Variants in ASB13 observed in about 807,000 individuals in gnomAD.
ASB13 encodes ankyrin repeat and SOCS box protein 13.
Under a neutral mutation model 28.8 loss-of-function variants are expected in ASB13, and 33 were observed. The ratio of observed to expected loss-of-function variants is 1.15; its 90% CI spans 0.87 to 1.53. The LOEUF is 1.53. ASB13 is among the 40% of genes most tolerant of loss of function. The pLI is 0.00. For missense variants in ASB13, 414 were observed against 390.1 expected, an observed-to-expected ratio of 1.06 and a Z score of -0.52; for synonymous variants, 182 against 172.9, an observed-to-expected ratio of 1.05 and a Z score of -0.41.
rs1161061925 is a variant in ASB13 at position 5,655,455 on chromosome 10, G to A, written c.44-2405C>T. 1.3e-5 allele frequency among the ~76,000 whole-genome samples: 2 copies of A among 152,242 alleles called. No individual in the cohort carries two copies. Among genetic ancestry groups the A allele is most frequent in the Non-Finnish European group, 2.9e-5 (2 of 68,046 alleles). On this transcript the variant is annotated intron_variant, in intron 1 of 5. Transcript: ENST00000357700. The surrounding 1 kb of genome is among the most constrained non-coding windows in gnomAD (Gnocchi z 6.2). ...AAGGGTGGGGCCTGGCACCGAATCA[G>A]TGCTCAATAAACACTGTCTGTTTGT...
intron 4 of ASB13, among the ~76,000 whole-genome samples, chr10:5,643,568 CA>C (rs1272058918): frequency 6.6e-6 from 1 of 152,120 alleles, no homozygotes; most frequent in African/African-American, 2.4e-5. Context: ...AAATGTACTA[CA>C]AAAAAATAAT....
Position 5,649,151 on chromosome 10 carries a change from T to C in ASB13, c.383-47A>G, listed in dbSNP as rs1834945524. On this transcript the variant is annotated intron_variant, in intron 3 of 5. Coordinates refer to ENST00000357700, the MANE Select transcript of ASB13 (RefSeq NM_024701.4). The surrounding 1 kb of genome is among the most constrained non-coding windows in gnomAD (Gnocchi z 6.4). ...GGGGAATGTCCTTGAATACGGACAC[T>C]GGAGACAACAAGCACACAGACGCGG... is the stretch of plus-strand genomic sequence containing the variant. 3 of 1,610,708 alleles carry C rather than the reference T, an allele frequency of 1.9e-6. No individual in the cohort carries two copies. The highest frequency in any genetic ancestry group is 2.5e-6 in the Non-Finnish European group (3 of 1,178,822).
At chr10:5,657,802 TG>T (rs1835096170) in intron 1 of ASB13, among the ~76,000 whole-genome samples, 1 of 152,242 alleles carries the variant, frequency 6.6e-6, no homozygotes, top group South Asian at 2.1e-4. Context: ...AAGGAAATCC[TG>T]TCCCATGCTA....
At position 5,642,600 on chromosome 10, in the gene ASB13, GCAGA is replaced by G. The variant is rs1225895229; in HGVS notation, c.518-643_518-640del. 7 of 986,252 alleles carry G rather than the reference GCAGA, an allele frequency of 7.1e-6. No homozygotes were observed. The highest frequency in any genetic ancestry group is 9.4e-6 in the Non-Finnish European group (7 of 743,672). 61.1% of individuals were successfully genotyped at this position (986,252 alleles called of 1,614,324 possible). A position where few individuals can be genotyped will look rare whatever the true frequency, so the allele number is the denominator to read the frequency against. On this transcript the variant is annotated intron_variant, in intron 4 of 5. Coordinates refer to ENST00000357700, the MANE Select transcript of ASB13 (RefSeq NM_024701.4). This position sits in a 1 kb window ranked among gnomAD's most constrained non-coding sequence, Gnocchi z 4.1. The stretch of plus-strand genomic sequence containing the variant: ...AAAAAATTTTTTTTTAAAAAAAAGA[GCAGA>G]CATTCAGAAAGATGCAAGGAATTAG...
rs1323402849 is a variant in ASB13 at position 5,651,088 on chromosome 10, T to A, written c.382+125A>T. On this transcript the variant is annotated intron_variant, in intron 3 of 5. Transcript: ENST00000357700. This position sits in a 1 kb window ranked among gnomAD's most constrained non-coding sequence, Gnocchi z 5.1. Reference sequence around the variant, plus strand: ...CAGGAGCCAGAAACAGACTCAGAACTCTCCTTCACCAGCCAAGGGCTCCCA... The same window carrying A: ...CAGGAGCCAGAAACAGACTCAGAACACTCCTTCACCAGCCAAGGGCTCCCA... 1 of 1,261,574 alleles carries A rather than the reference T, an allele frequency of 7.9e-7. No individual in the cohort carries two copies. Among genetic ancestry groups the A allele is most frequent in the Non-Finnish European group, 1.1e-6 (1 of 924,060 alleles). The allele number at this position is 1,261,574 out of a possible 1,614,324, so 78.1% of individuals were successfully genotyped here. A position where few individuals can be genotyped will look rare whatever the true frequency, so the allele number is the denominator to read the frequency against.
chr10:5,659,192 C>G lies in ASB13; in HGVS notation c.44-6142G>C, dbSNP rs115072917. 0.01 allele frequency among the ~76,000 whole-genome samples: 1,594 copies of G among 152,284 alleles called. 28 individuals carry two copies. Among genetic ancestry groups the G allele is most frequent in the African/African-American group, 0.037 (1,521 of 41,544 alleles). On this transcript the variant is annotated intron_variant, in intron 1 of 5. Transcript: ENST00000357700. This position sits in a 1 kb window ranked among gnomAD's most constrained non-coding sequence, Gnocchi z 5.8. ...GGCAAGACGCCCCCCCTCCCCAATC[C>G]CTGCACCCTCTCCCTTGGCGGAGCA... is the stretch of plus-strand genomic sequence containing the variant.
rs747023190 is a variant in ASB13, at chr10:5,641,782, C to G, written c.697G>C (p.Glu233Gln). The G allele has an allele frequency of 1.3e-6, 2 of 1,595,152 alleles. No individual in the cohort carries two copies. Among genetic ancestry groups the G allele is most frequent in the Non-Finnish European group, 1.7e-6 (2 of 1,169,980 alleles). Reference sequence around the variant, plus strand: ...TGGGGTGTCTCACTTTCGTAGTACTCGAAGCACTTGGCGGGAGCGCTGCTG... The same window carrying G: ...TGGGGTGTCTCACTTTCGTAGTACTGGAAGCACTTGGCGGGAGCGCTGCTG... ...WSSSAPAKCF[E>Q]YYEKTPLTLS... is the part of the protein sequence containing the mutation. The change falls in exon 5 of 6, where the codon GAG (glutamate) becomes CAG (glutamine). Residue 233 changes from glutamate to glutamine, a missense_variant. Glu to Gln is a conservative substitution (Grantham distance 29). Coordinates refer to ENST00000357700, the MANE Select transcript of ASB13 (RefSeq NM_024701.4). This position sits in a 1 kb window ranked among gnomAD's most constrained non-coding sequence, Gnocchi z 8.4.
Position 5,661,815 on chromosome 10 carries a change from T to C in ASB13, c.43+4694A>G, listed in dbSNP as rs1242492306. 6.6e-6 allele frequency among the ~76,000 whole-genome samples: 1 copy of C among 152,210 alleles called. No homozygotes were observed. Among genetic ancestry groups the C allele is most frequent in the Non-Finnish European group, 1.5e-5 (1 of 68,034 alleles). On this transcript the variant is annotated intron_variant, in intron 1 of 5. Coordinates refer to ENST00000357700, the MANE Select transcript of ASB13 (RefSeq NM_024701.4). This position sits in a 1 kb window ranked among gnomAD's most constrained non-coding sequence, Gnocchi z 4.9. Reference sequence around the variant, plus strand: ...GCCCAGCCCAGAATGCACTCTTAAATGTTGCTGGAGTCAGAAATTTTGTTC... The same window carrying C: ...GCCCAGCCCAGAATGCACTCTTAAACGTTGCTGGAGTCAGAAATTTTGTTC...
rs1834777969 is a variant in ASB13, at chr10:5,639,821, A to G, written c.*882T>C. 2.9e-5 allele frequency: 1 copy of G among 34,760 alleles called. No individual in the cohort carries two copies. The highest frequency in any genetic ancestry group is 3.0e-4 in the Admixed American group (1 of 3,374). The allele number at this position is 34,760 out of a possible 1,614,324, so 2.2% of individuals were successfully genotyped here. On this transcript the variant is annotated 3_prime_UTR_variant, in exon 6 of 6. Transcript: ENST00000357700. ...GAAACAGATGAAAAACAATTCCCAC[A>G]GAGTCTCCAAACAGGCCTTTGCACT...
In ASB13 at chr10:5,650,181, C is replaced by G. The variant is rs1012004976; in HGVS notation, c.382+1032G>C. On this transcript the variant is annotated intron_variant, in intron 3 of 5. Coordinates refer to ENST00000357700, the MANE Select transcript of ASB13 (RefSeq NM_024701.4). This position sits in a 1 kb window ranked among gnomAD's most constrained non-coding sequence, Gnocchi z 6.0. ...CCCCAACCCTACTAAATGAAACCATCCCACTCCACCAGCCTACTCTGAGCA... is the reference window on the plus strand; with the variant it reads ...CCCCAACCCTACTAAATGAAACCATGCCACTCCACCAGCCTACTCTGAGCA... Among the ~76,000 whole-genome samples the G allele has an allele frequency of 3.9e-5, 6 of 152,180 alleles. No individual in the cohort carries two copies. The highest frequency in any genetic ancestry group is 4.4e-5 in the Non-Finnish European group (3 of 68,030).
chr10:5,662,565 G>GAGAAGAGAAGAGAAGAGAAGAGAA (rs1835187755), intron 1 of ASB13, among the ~76,000 whole-genome samples: 1 of 14,586 alleles, frequency 6.9e-5, no homozygotes. Flanking sequence ...GGAGGGGAGG[G>GAGAAGAGAAGAGAAGAGAAGAGAA]GAGAAGAGAA....
In ASB13 at chr10:5,651,254, G is replaced by T. The variant is rs1331955060; in HGVS notation, c.341C>A (p.Pro114His). ...LLSYGAKVNP[P>H]LYTASPLHEA... is the part of the protein sequence containing the mutation. The stretch of plus-strand genomic sequence containing the variant: ...GTGCAGGGGGGACGCTGTGTACAGG[G>T]GAGGGTTGACCTTGGCCCCGTAGGA... Residue 114 changes from proline (P) to histidine (H), a missense_variant, in exon 3 of 6, where the codon CCC becomes CAC. Pro to His is a moderately conservative substitution (Grantham distance 77). Transcript: ENST00000357700. This position sits in a 1 kb window ranked among gnomAD's most constrained non-coding sequence, Gnocchi z 5.1. The T allele has an allele frequency of 1.2e-6, 2 of 1,614,104 alleles. No homozygotes were observed. The highest frequency in any genetic ancestry group is 1.7e-5 in the Admixed American group (1 of 60,020).
Position 5,663,387 on chromosome 10 carries a change from G to A in ASB13, c.43+3122C>T, listed in dbSNP as rs1224323359. On this transcript the variant is annotated intron_variant, in intron 1 of 5. Transcript: ENST00000357700. This position sits in a 1 kb window ranked among gnomAD's most constrained non-coding sequence, Gnocchi z 4.9. Reference sequence around the variant, plus strand: ...ATTATCCTTCAATGTCTCCTCCCCTGACTCCCTCATCACTCACCCAATTAT... The same window carrying A: ...ATTATCCTTCAATGTCTCCTCCCCTAACTCCCTCATCACTCACCCAATTAT... 6.6e-6 allele frequency among the ~76,000 whole-genome samples: 1 copy of A among 152,108 alleles called. No individual in the cohort carries two copies. Among genetic ancestry groups the A allele is most frequent in the African/African-American group, 2.4e-5 (1 of 41,420 alleles).
chr10:5,665,376 A>G (rs1238914198), intron 1 of ASB13, among the ~76,000 whole-genome samples: 1 of 152,268 alleles, frequency 6.6e-6, no homozygotes, highest in Non-Finnish European at 1.5e-5. Flanking sequence ...GACAATGTCA[A>G]AAATACCAGT....
chr10:5,642,653 GT>G lies in ASB13; in HGVS notation c.518-693del, dbSNP rs56802263. ...AGTAGCTAAATATGGCTGGTTTTGG[GT>G]TTTTTTTTTTGAGACAGAGTCTCAC... On this transcript the variant is annotated intron_variant, in intron 4 of 5. Transcript: ENST00000357700. The surrounding 1 kb of genome is among the most constrained non-coding windows in gnomAD (Gnocchi z 4.1). 1,315 of 350,996 alleles carry G rather than the reference GT, an allele frequency of 3.7e-3. No homozygotes were observed. The highest frequency in any genetic ancestry group is 5.1e-3 in the Middle Eastern group (5 of 974). The allele number at this position is 350,996 out of a possible 1,614,324, so 21.7% of individuals were successfully genotyped here. A position where few individuals can be genotyped will look rare whatever the true frequency, so the allele number is the denominator to read the frequency against.
rs58055016 is a variant in ASB13, at chr10:5,656,013, A to T, written c.44-2963T>A. Among the ~76,000 whole-genome samples, 2 of 152,170 alleles carry T rather than the reference A, an allele frequency of 1.3e-5. No homozygotes were observed. Among genetic ancestry groups the T allele is most frequent in the East Asian group, 3.9e-4 (2 of 5,194 alleles). On this transcript the variant is annotated intron_variant, in intron 1 of 5. Transcript: ENST00000357700. The surrounding 1 kb of genome is among the most constrained non-coding windows in gnomAD (Gnocchi z 4.3). Reference sequence around the variant, plus strand: ...AATAAATGCGCAGATAATTCACAACATGACAACTGCGATCATGTCTGGTGA... The same window carrying T: ...AATAAATGCGCAGATAATTCACAACTTGACAACTGCGATCATGTCTGGTGA...
intron 1 of ASB13, among the ~76,000 whole-genome samples, chr10:5,665,774 T>C (rs1318127683): frequency 6.6e-6 from 1 of 152,200 alleles, no homozygotes; most frequent in East Asian, 1.9e-4. Context: ...CACTACTGTT[T>C]TTACCAGGAT....
rs1834872807 is a variant in ASB13 at position 5,645,599 on chromosome 10, G to A, written c.517+3371C>T. Among the ~76,000 whole-genome samples the A allele has an allele frequency of 6.6e-6, 1 of 152,072 alleles. No individual in the cohort carries two copies. The highest frequency in any genetic ancestry group is 1.5e-5 in the Non-Finnish European group (1 of 68,014). On this transcript the variant is annotated intron_variant, in intron 4 of 5. Coordinates refer to ENST00000357700, the MANE Select transcript of ASB13 (RefSeq NM_024701.4). This position sits in a 1 kb window ranked among gnomAD's most constrained non-coding sequence, Gnocchi z 5.4. ...TGCCTCACAGCTCAGCTCTCAAACC[G>A]CACATGAAAGCACCTGCACTCATGT...
chr10:5,649,012 C>T lies in ASB13; in HGVS notation c.475G>A (p.Ala159Thr), dbSNP rs1834940984. ...HFGTPLHVACAREHLDCVKVL... is the reference protein window; with the variant it reads ...HFGTPLHVACTREHLDCVKVL... Reference sequence around the variant, plus strand: ...TTGACACAGTCCAGATGCTCCCGGGCACAGGCAACGTGCAGAGGGGTCCCA... The same window carrying T: ...TTGACACAGTCCAGATGCTCCCGGGTACAGGCAACGTGCAGAGGGGTCCCA... Residue 159 changes from alanine to threonine, a missense_variant, in exon 4 of 6, where the codon GCC becomes ACC. Transcript: ENST00000357700. The surrounding 1 kb of genome is among the most constrained non-coding windows in gnomAD (Gnocchi z 6.4). 6.2e-7 allele frequency: 1 copy of T among 1,614,142 alleles called. No individual in the cohort carries two copies. Among genetic ancestry groups the T allele is most frequent in the Admixed American group, 1.7e-5 (1 of 60,010 alleles).
Sources: allele counts gnomAD v4.1 joint callset (sites outside exome capture counted in the v4.1 genomes callset), GRCh38; gene constraint gnomAD v4.1.1; non-coding constraint Gnocchi (gnomAD v3.1); transcripts MANE v1.5; gene names NCBI Gene and HGNC (gene_info 2026-07-23, HGNC 2026-07-21).